CASP6: variants seen among roughly 807,000 people sequenced by gnomAD.
CASP6 encodes caspase-6.
A neutral mutation model predicts 31.8 loss-of-function variants in CASP6; 20 were observed. The ratio of observed to expected loss-of-function variants is 0.63; its 90% CI spans 0.44 to 0.91. The LOEUF (loss-of-function observed/expected upper bound fraction) is 0.91. CASP6 is among the 40% of genes least tolerant of loss of function. The pLI is 0.00. For synonymous variants in CASP6, 130 were observed against 127.8 expected, an observed-to-expected ratio of 1.02 and a Z score of -0.12; for missense variants, 328 against 361.1, an observed-to-expected ratio of 0.91 and a Z score of 0.74.
chr4:109,691,743 G>A (rs1579106674), intron 5 of CASP6, among the ~76,000 whole-genome samples: 1 of 152,294 alleles, frequency 6.6e-6, no homozygotes, highest in Non-Finnish European at 1.5e-5. Context: ...GCCTTTAGAG[G>A]TGATTAAGGA....
chr4:109,687,082 TA>T, downstream of CASP6, among the ~76,000 whole-genome samples: 1 of 152,154 alleles, frequency 6.6e-6, no homozygotes, highest in South Asian at 2.1e-4. Flanking sequence ...GATCCACATA[TA>T]AAATTGAAAT....
the CASP6 span, among the ~76,000 whole-genome samples, chr4:109,679,407 A>G: frequency 6.6e-6 from 1 of 152,222 alleles, no homozygotes; most frequent in Non-Finnish European, 1.5e-5. Flanking sequence ...GCACCTCGGG[A>G]GGCCGAGGCG....
chr4:109,706,032 A>ATATATATATATATATATATATATATAT (rs1419095475), upstream of CASP6, among the ~76,000 whole-genome samples: 1 of 93,832 alleles, frequency 1.1e-5, no homozygotes, highest in African/African-American at 4.9e-5. Context: ...ATATATATAT[A>ATATATATATATATATATATATATATAT]ATATATATAA....
chr4:109,703,450 T>TCCCGGGCCCGGC (rs1730497995), upstream of CASP6: 5 of 1,588,758 alleles, frequency 3.1e-6, no homozygotes, highest in Admixed American at 7.0e-5. Flanking sequence ...AGCCACAGGC[T>TCCCGGGCCCGGC]CCCGGGCCCG....
chr4:109,690,416 G>C (rs550959943), intron 6 of CASP6, among the ~76,000 whole-genome samples: 1 of 151,872 alleles, frequency 6.6e-6, no homozygotes, highest in Non-Finnish European at 1.5e-5. Flanking sequence ...CCAGCTACAG[G>C]GGGGCTGAGG....
the CASP6 span, among the ~76,000 whole-genome samples, chr4:109,681,656 A>G: frequency 1.3e-5 from 2 of 152,180 alleles, no homozygotes; most frequent in Admixed American, 1.3e-4. Context: ...ATTAGGACAA[A>G]CCCAGGCACT....
the CASP6 span, among the ~76,000 whole-genome samples, chr4:109,708,788 T>G: frequency 6.6e-6 from 1 of 152,220 alleles, no homozygotes; most frequent in Non-Finnish European, 1.5e-5. Context: ...TTTCCCCTTA[T>G]TCACCACTGA....
the CASP6 span, among the ~76,000 whole-genome samples, chr4:109,682,412 G>C: frequency 6.6e-6 from 1 of 151,370 alleles, no homozygotes; most frequent in Non-Finnish European, 1.5e-5. Context: ...AAGTACACTT[G>C]AACTGCTTTT....
At chr4:109,697,190 C>CT (rs1730271874) in intron 3 of CASP6, among the ~76,000 whole-genome samples, 1 of 152,036 alleles carries the variant, frequency 6.6e-6, no homozygotes, top group South Asian at 2.1e-4. Context: ...TGATAAGTAA[C>CT]TTTTCCCTAC....
In CASP6 at chr4:109,703,348, C is replaced by A. The variant is rs760754500; in HGVS notation, c.40+8G>T. On this transcript the variant is annotated splice_region_variant and intron_variant, in intron 1 of 6. Coordinates refer to ENST00000265164, the MANE Select transcript of CASP6 (RefSeq NM_001226.4). ...CTGCTCGGTGCCCAGTCGACGCCCC[C>A]TGCCTACCTGCCGGGTGCCCCCTGC... The A allele has an allele frequency of 8.1e-6, 13 of 1,608,456 alleles. No individual in the cohort carries two copies. Among genetic ancestry groups the A allele is most frequent in the South Asian group, 1.1e-5 (1 of 89,656 alleles).
the CASP6 span, among the ~76,000 whole-genome samples, chr4:109,678,733 C>G: frequency 1.4e-5 from 2 of 148,116 alleles, no homozygotes; most frequent in Non-Finnish European, 3.0e-5. Flanking sequence ...AGGCGCTCCC[C>G]ACATCCCAGA....
downstream of CASP6, chr4:109,684,883 AAT>A (rs1729802246): frequency 2.2e-5 from 10 of 446,086 alleles, no homozygotes; most frequent in South Asian, 4.2e-4. Context: ...CATTGGGATA[AAT>A]ATGTGTTCTC....
the CASP6 span, among the ~76,000 whole-genome samples, chr4:109,678,282 C>A: frequency 3.3e-5 from 5 of 152,162 alleles, no homozygotes; most frequent in African/African-American, 9.6e-5. Flanking sequence ...CTTTTCTATT[C>A]GACAAAACCG....
chr4:109,700,634 T>C (rs902366943), intron 1 of CASP6, among the ~76,000 whole-genome samples: 5 of 152,146 alleles, frequency 3.3e-5, no homozygotes, highest in African/African-American at 4.8e-5. Flanking sequence ...GCTACGGATG[T>C]AGAAAAAAAC....
At chr4:109,665,551 G>A in the CASP6 span, among the ~76,000 whole-genome samples, 1 of 152,060 alleles carries the variant, frequency 6.6e-6, no homozygotes, top group Non-Finnish European at 1.5e-5. Flanking sequence ...TGTTATATTT[G>A]CATTTAACCT....
At chr4:109,687,515 GC>G, downstream of CASP6, 4 of 1,608,070 alleles carry the variant, frequency 2.5e-6, no homozygotes, top group Non-Finnish European at 3.4e-6. Context: ...CCCATGACAG[GC>G]TAAAGAATCC....
the CASP6 span, among the ~76,000 whole-genome samples, chr4:109,677,645 A>G: frequency 1.3e-5 from 2 of 152,050 alleles, no homozygotes; most frequent in Non-Finnish European, 2.9e-5. Context: ...GGGTTCCTTA[A>G]TAAAGGACAA....
the CASP6 span, among the ~76,000 whole-genome samples, chr4:109,671,441 G>T: frequency 6.6e-6 from 1 of 151,840 alleles, no homozygotes; most frequent in Admixed American, 6.6e-5. Flanking sequence ...TTGACCTTCA[G>T]TTTGAGAAAG....
At chr4:109,684,792 A>T (rs1729799517), downstream of CASP6, 1 of 572,870 alleles carries the variant, frequency 1.7e-6, no homozygotes, top group Non-Finnish European at 3.1e-6. Flanking sequence ...GTTTTTCACA[A>T]GACTGAATGA....
Sources: gnomAD v4.1 joint callset for allele counts (sites outside exome capture counted in the v4.1 genomes callset) on GRCh38, gnomAD v4.1.1 for gene constraint, MANE v1.5 for transcripts, NCBI Gene and HGNC (gene_info 2026-07-23, HGNC 2026-07-21) for gene names.